The following FBXL20 variants were observed in gnomAD, a reference collection of about 807,000 sequenced individuals.
The protein encoded by FBXL20 is F-box/LRR-repeat protein 20.
A neutral mutation model predicts 64.0 loss-of-function variants in FBXL20; 11 were observed. The observed-to-expected ratio is 0.17, with a 90% CI of 0.11 to 0.28. The LOEUF (loss-of-function observed/expected upper bound fraction) is 0.28, where lower values mean the gene tolerates loss of function less well. Ranked by LOEUF, FBXL20 falls within the 10% of genes least tolerant of loss-of-function variation. FBXL20 has a pLI of 1.00. For synonymous variants in FBXL20, 184 were observed against 189.0 expected (o/e 0.97, Z 0.22); for missense variants, 303 against 526.2 (o/e 0.58, Z 4.15).
intron 1 of FBXL20, among the ~76,000 whole-genome samples, chr17:39,363,555 A>G (rs1285385017): frequency 3.3e-5 from 5 of 152,060 alleles, no homozygotes; most frequent in African/African-American, 4.8e-5. Context: ...GCTTACACCT[A>G]TAATCCCAGT....
At chr17:39,351,942 T>C (rs759368355) in intron 1 of FBXL20, among the ~76,000 whole-genome samples, 7 of 152,234 alleles carry the variant, frequency 4.6e-5, no homozygotes, top group Non-Finnish European at 7.3e-5. Flanking sequence ...TGTTTTTCTA[T>C]AACGTACATA....
At chr17:39,394,899 T>C (rs745570146) in intron 1 of FBXL20, among the ~76,000 whole-genome samples, 3 of 152,120 alleles carry the variant, frequency 2.0e-5, no homozygotes, top group Non-Finnish European at 4.4e-5. Flanking sequence ...TTTAATTCAG[T>C]TTCTAGTATG....
At chr17:39,363,360 T>C (rs1213946684) in intron 1 of FBXL20, among the ~76,000 whole-genome samples, 1 of 151,754 alleles carries the variant, frequency 6.6e-6, no homozygotes, top group Non-Finnish European at 1.5e-5. Context: ...CTCCCTATGT[T>C]GCCCAGGCTG....
At chr17:39,350,799 AAC>A (rs2047680813) in intron 1 of FBXL20, among the ~76,000 whole-genome samples, 1 of 152,138 alleles carries the variant, frequency 6.6e-6, no homozygotes, top group African/African-American at 2.4e-5. Context: ...ATCAACCCGG[AAC>A]TTACAAGAAT....
intron 1 of FBXL20, among the ~76,000 whole-genome samples, chr17:39,395,830 G>A (rs554237761): frequency 2.4e-4 from 37 of 152,278 alleles, no homozygotes; most frequent in African/African-American, 8.7e-4. Flanking sequence ...GTGAAATGAT[G>A]TAGAGAGAAG....
intron 6 of FBXL20, among the ~76,000 whole-genome samples, chr17:39,293,731 T>C (rs1462135231): frequency 6.6e-6 from 1 of 152,130 alleles, no homozygotes; most frequent in East Asian, 1.9e-4. Context: ...TAATTGTTTT[T>C]TTCCTCACTA....
chr17:39,342,848 C>T (rs2047596112), intron 2 of FBXL20, among the ~76,000 whole-genome samples: 1 of 152,174 alleles, frequency 6.6e-6, no homozygotes. Flanking sequence ...CGCCACTGCA[C>T]TCCAGCCTGG....
intron 2 of FBXL20, among the ~76,000 whole-genome samples, chr17:39,308,648 T>A (rs1309365589): frequency 6.6e-6 from 1 of 150,882 alleles, no homozygotes; most frequent in Non-Finnish European, 1.5e-5. Flanking sequence ...CCCTGCAAGC[T>A]CCCCCTCCCA....
chr17:39,371,083 T>C (rs571012566), intron 1 of FBXL20, among the ~76,000 whole-genome samples: 1 of 152,054 alleles, frequency 6.6e-6, no homozygotes, highest in South Asian at 2.1e-4. Context: ...CCGGGCGTGG[T>C]GGCACATGCC....
At position 39,307,405 on chromosome 17, in the gene FBXL20, G is replaced by A. The variant is rs528441827; in HGVS notation, c.105-3766C>T. 3.6e-4 allele frequency among the ~76,000 whole-genome samples: 55 copies of A among 152,304 alleles called. No individual in the cohort carries two copies. The Middle Eastern group carries it at 0.01, about 28-fold the overall frequency. ...ATGATCAAAGGAAACAGATTGCCAAGATCTGGGGAGAAGAGCATTCCAGTA... is the reference window on the plus strand; with the variant it reads ...ATGATCAAAGGAAACAGATTGCCAAAATCTGGGGAGAAGAGCATTCCAGTA... On this transcript the variant is annotated intron_variant, in intron 2 of 14. Transcript: ENST00000264658.
At chr17:39,396,509 T>C (rs1453848357) in intron 1 of FBXL20, among the ~76,000 whole-genome samples, 1 of 150,366 alleles carries the variant, frequency 6.7e-6, no homozygotes, top group Admixed American at 6.7e-5. Flanking sequence ...GGCAGGAGAA[T>C]CGCTTGAACC....
At chr17:39,387,497 T>G (rs928107419) in intron 1 of FBXL20, among the ~76,000 whole-genome samples, 1 of 152,046 alleles carries the variant, frequency 6.6e-6, no homozygotes, top group Non-Finnish European at 1.5e-5. Flanking sequence ...CAGGCTGGTC[T>G]CGAACTCCTG....
chr17:39,315,888 T>A (rs1397003398), intron 2 of FBXL20, among the ~76,000 whole-genome samples: 1 of 140,256 alleles, frequency 7.1e-6, no homozygotes, highest in Non-Finnish European at 1.5e-5. Context: ...TAGAGCGAAA[T>A]TGGTTAAAAT....
rs572733149 is a variant in FBXL20, at chr17:39,274,435, G to A, written c.827+535C>T. ...ACACTTTGGGAAGCTGAGGTTTGAG[G>A]CCAGCCTGAGCAACACAGCCTGACC... On this transcript the variant is annotated intron_variant, in intron 10 of 14. Coordinates refer to ENST00000264658, the MANE Select transcript of FBXL20 (RefSeq NM_032875.3). 6.3e-3 allele frequency among the ~76,000 whole-genome samples: 961 copies of A among 152,174 alleles called. 17 individuals are homozygous for A. The highest frequency in any genetic ancestry group is 0.022 in the African/African-American group (919 of 41,512).
intron 2 of FBXL20, among the ~76,000 whole-genome samples, chr17:39,312,124 T>C (rs1258556419): frequency 6.6e-6 from 1 of 152,062 alleles, no homozygotes; most frequent in Non-Finnish European, 1.5e-5. Context: ...TCTATTAAAG[T>C]AGTAAGAACT....
At chr17:39,386,622 T>G (rs1425447285) in intron 1 of FBXL20, among the ~76,000 whole-genome samples, 1 of 152,166 alleles carries the variant, frequency 6.6e-6, no homozygotes, top group African/African-American at 2.4e-5. Context: ...AGACTCCGTC[T>G]CAAAAAATAA....
At chr17:39,291,460 G>A (rs1214082265) in intron 6 of FBXL20, among the ~76,000 whole-genome samples, 2 of 127,226 alleles carry the variant, frequency 1.6e-5, no homozygotes, top group Admixed American at 9.1e-5. Flanking sequence ...TTGAGATGGA[G>A]TCTCATTCTG....
intron 2 of FBXL20, among the ~76,000 whole-genome samples, chr17:39,307,006 C>T (rs2047189200): frequency 6.6e-6 from 1 of 152,184 alleles, no homozygotes; most frequent in Non-Finnish European, 1.5e-5. Context: ...TCTAGAGAAT[C>T]TGCCTTCTCT....
intron 9 of FBXL20, among the ~76,000 whole-genome samples, chr17:39,278,548 C>CTTTT (rs61642275): frequency 4.7e-5 from 6 of 128,174 alleles, no homozygotes; most frequent in African/African-American, 8.7e-5. Context: ...ACATTCCAGT[C>CTTTT]TTTTTTTTTT....
Sources: gnomAD v4.1 joint callset for allele counts (sites outside exome capture counted in the v4.1 genomes callset) on GRCh38, gnomAD v4.1.1 for gene constraint, MANE v1.5 for transcripts, NCBI Gene and HGNC (gene_info 2026-07-23, HGNC 2026-07-21) for gene names.